The following ACYP2 variants were observed in gnomAD, a reference collection of about 807,000 sequenced individuals.
The protein encoded by ACYP2 is acylphosphatase-2.
In ACYP2, 12 loss-of-function variants were observed where a neutral mutation model predicts 11.2. The ratio of observed to expected loss-of-function variants is 1.08; its 90% CI spans 0.69 to 1.74. The LOEUF (loss-of-function observed/expected upper bound fraction) is 1.74, where lower values mean the gene tolerates loss of function less well. Among genes scored for constraint, ACYP2 ranks in the 40% most tolerant of loss-of-function variants. The probability of loss-of-function intolerance (pLI) is 0.00; values close to 1 mark genes in which losing one functional copy is unlikely to be tolerated. For synonymous variants in ACYP2, 43 were observed against 32.2 expected (o/e 1.33, Z -1.13); for missense variants, 134 against 101.9 (o/e 1.31, Z -1.35).
At chr2:54,060,716 T>G (rs1222918525) in intron 4 of ACYP2, among the ~76,000 whole-genome samples, 3 of 152,254 alleles carry the variant, frequency 2.0e-5, no homozygotes, top group Non-Finnish European at 4.4e-5. Flanking sequence ...CATGAAATGC[T>G]GCTTTTTATG....
Position 54,273,151 on chromosome 2 carries a change from TAATA to T in ACYP2, c.405-31532_405-31529del, listed in dbSNP as rs577488390. 1.8e-3 allele frequency among the ~76,000 whole-genome samples: 278 copies of T among 152,332 alleles called. 1 individual carries two copies. Among genetic ancestry groups the T allele is most frequent in the African/African-American group, 6.2e-3 (256 of 41,574 alleles). ...TATGAGAAAACTGACTGTTCAAATT[TAATA>T]AATAGAGTCTGTCCAAACCCAATTT... On this transcript the variant is annotated intron_variant, in intron 6 of 6. Transcript: ENST00000607452.
chr2:54,026,830 C>G (rs1674313229), intron 2 of ACYP2, among the ~76,000 whole-genome samples: 1 of 151,610 alleles, frequency 6.6e-6, no homozygotes, highest in South Asian at 2.1e-4. Context: ...ATCGTATGTT[C>G]TCACTTAGAA....
intron 6 of ACYP2, among the ~76,000 whole-genome samples, chr2:54,252,198 C>A (rs913755187): frequency 1.3e-5 from 2 of 152,182 alleles, no homozygotes; most frequent in Non-Finnish European, 2.9e-5. Flanking sequence ...CTTCTTACAT[C>A]CAACAACATA....
chr2:54,050,903 T>C (rs917868826), intron 2 of ACYP2: 3 of 393,218 alleles, frequency 7.6e-6, no homozygotes, highest in Non-Finnish European at 9.0e-6. Flanking sequence ...GCCTTCTGAG[T>C]AGCTGAGACT....
intron 6 of ACYP2, among the ~76,000 whole-genome samples, chr2:54,286,440 TC>T (rs1338662024): frequency 6.6e-6 from 1 of 151,420 alleles, no homozygotes; most frequent in Non-Finnish European, 1.5e-5. Context: ...TTACAAAGAG[TC>T]CCCCCATCAG....
At chr2:54,192,113 C>T (rs13413363) in intron 6 of ACYP2, among the ~76,000 whole-genome samples, 1,714 of 152,196 alleles carry the variant, frequency 0.011, 30 homozygotes, top group African/African-American at 0.04. Context: ...AGAACTAATA[C>T]ATGGAGAAAA....
intron 6 of ACYP2, among the ~76,000 whole-genome samples, chr2:54,277,011 T>C (rs1688626336): frequency 6.6e-6 from 1 of 152,210 alleles, no homozygotes; most frequent in Non-Finnish European, 1.5e-5. Flanking sequence ...TTTATGGAAA[T>C]AACATATAAA....
intron 2 of ACYP2, among the ~76,000 whole-genome samples, chr2:54,018,963 T>C (rs535136012): frequency 2.6e-5 from 4 of 152,230 alleles, no homozygotes; most frequent in Middle Eastern, 6.8e-3. Flanking sequence ...CAAGCTGGTC[T>C]CAAACTCCTG....
chr2:54,059,869 G>C (rs144198784), intron 4 of ACYP2, among the ~76,000 whole-genome samples: 43 of 152,296 alleles, frequency 2.8e-4, no homozygotes, highest in African/African-American at 8.7e-4. Flanking sequence ...TGTTAGAACT[G>C]GGAAAGGATT....
At chr2:54,108,657 T>C (rs1558534009) in intron 4 of ACYP2, among the ~76,000 whole-genome samples, 2 of 152,282 alleles carry the variant, frequency 1.3e-5, no homozygotes, top group East Asian at 3.9e-4. Context: ...TGGCCCTTTT[T>C]CGCCTTCCCT....
chr2:54,127,272 A>C (rs1680574112), intron 4 of ACYP2, among the ~76,000 whole-genome samples: 1 of 152,190 alleles, frequency 6.6e-6, no homozygotes. Context: ...GCATACATGG[A>C]AATTCATTCT....
intron 4 of ACYP2, among the ~76,000 whole-genome samples, chr2:54,117,524 T>C (rs563303081): frequency 6.6e-6 from 1 of 152,168 alleles, no homozygotes; most frequent in Admixed American, 6.5e-5. Context: ...AAATCCTGGC[T>C]TCAAGGGATC....
At chr2:54,212,907 C>CT (rs34494353) in intron 6 of ACYP2, among the ~76,000 whole-genome samples, 2,810 of 140,826 alleles carry the variant, frequency 0.02, 94 homozygotes, top group African/African-American at 0.064. Flanking sequence ...TGCCACTTTA[C>CT]TTTTTTTTTT....
At chr2:54,107,952 A>G (rs1297746714) in intron 4 of ACYP2, among the ~76,000 whole-genome samples, 1 of 152,204 alleles carries the variant, frequency 6.6e-6, no homozygotes, top group Non-Finnish European at 1.5e-5. Flanking sequence ...ATCCCCTGCC[A>G]TCATCAGAAG....
chr2:53,995,903 C>T (rs546856188), intron 2 of ACYP2, among the ~76,000 whole-genome samples: 6 of 151,942 alleles, frequency 3.9e-5, no homozygotes, highest in East Asian at 3.9e-4. Context: ...GAGGCCGAGG[C>T]GGGCGGATCA....
intron 4 of ACYP2, among the ~76,000 whole-genome samples, chr2:54,068,132 T>TA (rs1360746598): frequency 4.6e-5 from 7 of 152,240 alleles, no homozygotes; most frequent in African/African-American, 1.7e-4. Context: ...ATTGATTCTC[T>TA]AATGCTCTTG....
intron 6 of ACYP2, among the ~76,000 whole-genome samples, chr2:54,269,663 C>T (rs1282453990): frequency 1.3e-5 from 2 of 152,156 alleles, no homozygotes; most frequent in African/African-American, 4.8e-5. Flanking sequence ...GCACTAATAT[C>T]CCTGATTTCT....
intron 2 of ACYP2, among the ~76,000 whole-genome samples, chr2:54,036,712 G>T (rs1441307217): frequency 1.3e-5 from 2 of 152,152 alleles, no homozygotes; most frequent in Non-Finnish European, 2.9e-5. Context: ...GCACAAATTA[G>T]GCAAGCAAGA....
At position 54,240,278 on chromosome 2, in the gene ACYP2, G is replaced by A. The variant is rs556451467; in HGVS notation, c.405-64410G>A. ...GAATGAAGTCACAATCCCCTAAGAAGGGAATAATGAATAAACTAGTTATAT... is the reference window on the plus strand; with the variant it reads ...GAATGAAGTCACAATCCCCTAAGAAAGGAATAATGAATAAACTAGTTATAT... On this transcript the variant is annotated intron_variant, in intron 6 of 6. Transcript: ENST00000607452. Among the ~76,000 whole-genome samples, 42 of 152,238 alleles carry A rather than the reference G, an allele frequency of 2.8e-4. 1 individual carries two copies. Among genetic ancestry groups the A allele is most frequent in the Middle Eastern group, 3.4e-3 (1 of 294 alleles).
Sources: allele counts gnomAD v4.1 joint callset (sites outside exome capture counted in the v4.1 genomes callset), GRCh38; gene constraint gnomAD v4.1.1; transcripts MANE v1.5; gene names NCBI Gene and HGNC (gene_info 2026-07-23, HGNC 2026-07-21).